CBLB: variants seen among roughly 807,000 people sequenced by gnomAD.
The protein encoded by CBLB is Cbl proto-oncogene B.
CBLB carries 31 observed loss-of-function variants against 104.9 expected under a neutral mutation model. The observed-to-expected ratio is 0.30, with a 90% CI of 0.22 to 0.40. The LOEUF (loss-of-function observed/expected upper bound fraction) is 0.40, where lower values mean the gene tolerates loss of function less well. Among genes scored for constraint, CBLB ranks in the 10% least tolerant of loss-of-function variants. The probability of loss-of-function intolerance (pLI) is 1.00; values close to 1 mark genes in which losing one functional copy is unlikely to be tolerated. For synonymous variants in CBLB, 440 were observed against 422.6 expected, an observed-to-expected ratio of 1.04 and a Z score of -0.51; for missense variants, 1,062 against 1,214.6, an observed-to-expected ratio of 0.87 and a Z score of 1.87.
At chr3:105,739,562 C>G (rs1264846625) in intron 7 of CBLB, among the ~76,000 whole-genome samples, 1 of 152,138 alleles carries the variant, frequency 6.6e-6, no homozygotes, top group Non-Finnish European at 1.5e-5. Context: ...ATTGTCCATA[C>G]TTTGTGTGTG....
At chr3:105,800,840 T>G (rs1286901563) in intron 3 of CBLB, among the ~76,000 whole-genome samples, 1 of 152,116 alleles carries the variant, frequency 6.6e-6, no homozygotes, top group East Asian at 1.9e-4. Flanking sequence ...ATACATATAA[T>G]CTGGGTTTTA....
chr3:105,775,979 T>G (rs1218781116), intron 4 of CBLB, among the ~76,000 whole-genome samples: 1 of 152,178 alleles, frequency 6.6e-6, no homozygotes, highest in African/African-American at 2.4e-5. Flanking sequence ...TGATCACTGA[T>G]CCCAAAGCAA....
chr3:105,789,989 A>C (rs889205421), intron 3 of CBLB, among the ~76,000 whole-genome samples: 7 of 152,186 alleles, frequency 4.6e-5, no homozygotes, highest in Admixed American at 2.0e-4. Flanking sequence ...AGATCACTGT[A>C]CCTGTCTACC....
chr3:105,736,748 C>T (rs940431272), intron 8 of CBLB, among the ~76,000 whole-genome samples: 10 of 152,034 alleles, frequency 6.6e-5, no homozygotes, highest in Admixed American at 4.6e-4. Context: ...TACCAACTTA[C>T]ATTCCTATTC....
At chr3:105,689,239 C>G (rs1024316299) in intron 13 of CBLB, among the ~76,000 whole-genome samples, 12 of 151,864 alleles carry the variant, frequency 7.9e-5, no homozygotes, top group African/African-American at 2.9e-4. Context: ...AGTAAAGCAA[C>G]TGAATGAAAA....
chr3:105,764,330 A>G (rs1050073092), intron 4 of CBLB, among the ~76,000 whole-genome samples: 1 of 152,206 alleles, frequency 6.6e-6, no homozygotes, highest in African/African-American at 2.4e-5. Context: ...GAATTAGAAG[A>G]GAGATTATCT....
chr3:105,698,415 G>A lies in CBLB; in HGVS notation c.1959+3679C>T, dbSNP rs2068663238. Among the ~76,000 whole-genome samples the A allele has an allele frequency of 2.6e-5, 4 of 151,952 alleles. No homozygotes were observed. The South Asian group carries it at 8.3e-4, about 31-fold the overall frequency. ...CAGGACGAGTAATGAAGGGAAGCGA[G>A]TCCTCGCCCATTGACAGGGTATTGA... On this transcript the variant is annotated intron_variant, in intron 12 of 18. Transcript: ENST00000394030.
chr3:105,777,760 C>T (rs904765208), intron 3 of CBLB, among the ~76,000 whole-genome samples: 2 of 152,156 alleles, frequency 1.3e-5, no homozygotes, highest in Non-Finnish European at 2.9e-5. Flanking sequence ...AATGGAGATA[C>T]AGGTGTCAGC....
chr3:105,783,259 G>A (rs1266553875), intron 3 of CBLB, among the ~76,000 whole-genome samples: 2 of 130,636 alleles, frequency 1.5e-5, no homozygotes, highest in Non-Finnish European at 3.5e-5. Flanking sequence ...AGACATGTAG[G>A]TAAGACCCTG....
intron 3 of CBLB, among the ~76,000 whole-genome samples, chr3:105,852,547 T>C (rs2091073900): frequency 6.6e-6 from 1 of 152,154 alleles, no homozygotes; most frequent in South Asian, 2.1e-4. Context: ...CAGTAGGCTG[T>C]TCATATTGGA....
chr3:105,713,193 T>C (rs1441819456), intron 10 of CBLB, among the ~76,000 whole-genome samples: 3 of 152,200 alleles, frequency 2.0e-5, no homozygotes, highest in Admixed American at 6.5e-5. Context: ...TTTATATATA[T>C]GAACTCATTT....
chr3:105,749,750 TA>T, intron 5 of CBLB: 1 of 325,108 alleles, frequency 3.1e-6, no homozygotes. Flanking sequence ...AGATATTCTG[TA>T]AAATTATCAG....
intron 12 of CBLB, among the ~76,000 whole-genome samples, chr3:105,701,534 G>A (rs1287011354): frequency 1.3e-5 from 2 of 152,104 alleles, no homozygotes; most frequent in African/African-American, 2.4e-5. Flanking sequence ...AGGCTGAGGC[G>A]GGTGGATCCC....
At chr3:105,850,491 T>C (rs376173504) in intron 3 of CBLB, among the ~76,000 whole-genome samples, 1 of 152,290 alleles carries the variant, frequency 6.6e-6, no homozygotes, top group Admixed American at 6.5e-5. Context: ...TAAGACACTA[T>C]ATATTTTCAT....
chr3:105,712,518 C>A (rs530834562), intron 10 of CBLB, among the ~76,000 whole-genome samples: 8 of 152,182 alleles, frequency 5.3e-5, no homozygotes, highest in African/African-American at 1.7e-4. Flanking sequence ...ATGTGAAAAC[C>A]CTTATTGCTC....
intron 4 of CBLB, among the ~76,000 whole-genome samples, chr3:105,768,217 G>T (rs1029593852): frequency 2.0e-5 from 3 of 152,170 alleles, no homozygotes; most frequent in Non-Finnish European, 4.4e-5. Flanking sequence ...AGAGCTTAGC[G>T]AAGTTTAAGA....
chr3:105,805,067 A>G (rs2083337472), intron 3 of CBLB, among the ~76,000 whole-genome samples: 1 of 152,080 alleles, frequency 6.6e-6, no homozygotes, highest in Non-Finnish European at 1.5e-5. Context: ...ATGGCCACCT[A>G]TTGGTTCCAC....
chr3:105,814,278 T>C (rs895568428), intron 3 of CBLB, among the ~76,000 whole-genome samples: 1 of 152,142 alleles, frequency 6.6e-6, no homozygotes, highest in African/African-American at 2.4e-5. Flanking sequence ...ACTAACAACA[T>C]AGAACCCAGA....
intron 1 of CBLB, 105 bp from the exon 2 acceptor site, chr3:105,867,696 T>G: frequency 3.2e-6 from 3 of 939,730 alleles, no homozygotes; most frequent in Non-Finnish European, 5.0e-6. Flanking sequence ...CCTCCATCGA[T>G]TAGAGCAAAA....
Sources: gnomAD v4.1 joint callset for allele counts (sites outside exome capture counted in the v4.1 genomes callset) on GRCh38, gnomAD v4.1.1 for gene constraint, MANE v1.5 for transcripts, NCBI Gene and HGNC (gene_info 2026-07-23, HGNC 2026-07-21) for gene names.